FGF14: variants seen among roughly 807,000 people sequenced by gnomAD.
FGF14 encodes fibroblast growth factor homologous factor 4.
In FGF14, 5 loss-of-function variants were observed where a neutral mutation model predicts 25.5. That is an observed-to-expected ratio of 0.20 (90% CI 0.10 to 0.41). The LOEUF is 0.41. Ranked by LOEUF, FGF14 falls within the 10% of genes least tolerant of loss-of-function variation. The pLI, the probability that FGF14 is intolerant of heterozygous loss-of-function variation, is 1.00. For synonymous variants in FGF14, 138 were observed against 118.3 expected (o/e 1.17, Z -1.08); for missense variants, 222 against 320.1 (o/e 0.69, Z 2.34).
intron 1 of FGF14, among the ~76,000 whole-genome samples, chr13:101,957,930 G>C (rs1052973081): frequency 2.0e-5 from 3 of 152,054 alleles, no homozygotes; most frequent in Non-Finnish European, 4.4e-5. Flanking sequence ...TGGAATGAAA[G>C]GGCCAAATGG....
intron 1 of FGF14, among the ~76,000 whole-genome samples, chr13:102,335,598 A>C (rs1382023627): frequency 6.6e-6 from 1 of 152,178 alleles, no homozygotes; most frequent in Non-Finnish European, 1.5e-5. Context: ...TTTTACCCTG[A>C]AGAACCCACA....
intron 3 of FGF14, among the ~76,000 whole-genome samples, chr13:101,748,637 A>C (rs2037054296): frequency 6.6e-6 from 1 of 151,838 alleles, no homozygotes; most frequent in Non-Finnish European, 1.5e-5. Context: ...CAAATTAAAA[A>C]ACAAAAAATA....
chr13:101,935,489 G>A (rs918671184), intron 1 of FGF14, among the ~76,000 whole-genome samples: 4 of 152,130 alleles, frequency 2.6e-5, no homozygotes, highest in African/African-American at 9.7e-5. Flanking sequence ...TCATGAGAGC[G>A]GTTTCTCCCA....
chr13:102,378,310 G>GA (rs1276842592), intron 1 of FGF14, among the ~76,000 whole-genome samples: 1 of 151,962 alleles, frequency 6.6e-6, no homozygotes, highest in Non-Finnish European at 1.5e-5. Context: ...AAGGGTATAA[G>GA]GGAAATCTCT....
In FGF14 at chr13:101,714,465, G is replaced by C. The variant is rs755093754; in HGVS notation, c.*8366C>G. The C allele has an allele frequency of 6.2e-7, 1 of 1,611,052 alleles. No individual in the cohort carries two copies. Among genetic ancestry groups the C allele is most frequent in the South Asian group, 1.1e-5 (1 of 90,966 alleles). ...TCTTGTCATTGTGGGAAGTGCATTT[G>C]TTCTGCTGAAGAGTGGTATATTTCT... On this transcript the variant is annotated 3_prime_UTR_variant, in exon 5 of 5. Transcript: ENST00000376143.
intron 1 of FGF14, among the ~76,000 whole-genome samples, chr13:102,265,707 G>A (rs1295520973): frequency 1.3e-5 from 2 of 152,074 alleles, no homozygotes; most frequent in African/African-American, 2.4e-5. Context: ...ATCACAGCTG[G>A]TAAGTGAAGA....
rs1199722822 is a variant in FGF14 at position 101,994,561 on chromosome 13, G to A, written c.209-119265C>T. ...GCCGTTGTAAGTTGGTTTTGTCATCGAGACTACCAAATCATCAGCTACCAG... is the reference window on the plus strand; with the variant it reads ...GCCGTTGTAAGTTGGTTTTGTCATCAAGACTACCAAATCATCAGCTACCAG... On this transcript the variant is annotated intron_variant, in intron 1 of 4. Transcript: ENST00000376131. 2.6e-5 allele frequency among the ~76,000 whole-genome samples: 4 copies of A among 151,806 alleles called. No homozygotes were observed. In the East Asian group the frequency reaches 5.8e-4, roughly 22 times the overall value.
At chr13:102,088,033 AG>A (rs1351510509) in intron 1 of FGF14, among the ~76,000 whole-genome samples, 8 of 152,230 alleles carry the variant, frequency 5.3e-5, no homozygotes, top group African/African-American at 1.9e-4. Flanking sequence ...ACTTTGCATC[AG>A]TTCTGTCATT....
At chr13:102,104,885 A>G (rs1225050273) in intron 1 of FGF14, among the ~76,000 whole-genome samples, 2 of 152,188 alleles carry the variant, frequency 1.3e-5, no homozygotes, top group Admixed American at 1.3e-4. Context: ...TGAAATCACC[A>G]TCCTTGCAGT....
intron 1 of FGF14, among the ~76,000 whole-genome samples, chr13:102,083,693 C>T (rs1380800632): frequency 6.6e-6 from 1 of 152,202 alleles, no homozygotes; most frequent in Non-Finnish European, 1.5e-5. Flanking sequence ...ATGATTTTAC[C>T]TGCATTTGCA....
intron 1 of FGF14, among the ~76,000 whole-genome samples, chr13:102,234,742 G>A (rs1252802854): frequency 6.6e-6 from 1 of 152,098 alleles, no homozygotes; most frequent in Non-Finnish European, 1.5e-5. Context: ...CACATTGAAT[G>A]CATATTAGTC....
intron 1 of FGF14, among the ~76,000 whole-genome samples, chr13:102,252,296 A>C (rs958551514): frequency 6.6e-6 from 1 of 152,176 alleles, no homozygotes; most frequent in Non-Finnish European, 1.5e-5. Flanking sequence ...CATGGGGCAA[A>C]AGCAGTATTC....
At chr13:102,378,606 T>TCTAA (rs2058097119) in intron 1 of FGF14, among the ~76,000 whole-genome samples, 1 of 130,256 alleles carries the variant, frequency 7.7e-6, no homozygotes. Flanking sequence ...TATCTATCTA[T>TCTAA]CTATCTATCT....
At chr13:101,890,088 C>CAAAA (rs2046193320) in intron 1 of FGF14, among the ~76,000 whole-genome samples, 1 of 151,958 alleles carries the variant, frequency 6.6e-6, no homozygotes, top group Admixed American at 6.6e-5. Flanking sequence ...AATACAAAAG[C>CAAAA]AAAAACAAAA....
intron 1 of FGF14, among the ~76,000 whole-genome samples, chr13:102,056,919 T>C (rs1469872644): frequency 7.9e-5 from 12 of 151,284 alleles, no homozygotes; most frequent in Admixed American, 7.9e-4. Flanking sequence ...AAAGTAATGA[T>C]TTAGTATATT....
intron 1 of FGF14, among the ~76,000 whole-genome samples, chr13:102,011,814 A>G (rs544600149): frequency 5.9e-5 from 9 of 152,262 alleles, no homozygotes; most frequent in African/African-American, 2.2e-4. Context: ...ATGATTCTAT[A>G]AATACTGATC....
chr13:101,899,213 A>AT (rs1280781321), intron 1 of FGF14, among the ~76,000 whole-genome samples: 2 of 151,996 alleles, frequency 1.3e-5, no homozygotes, highest in African/African-American at 4.8e-5. Context: ...AAAGAAAAAA[A>AT]ATCCTCCTCA....
intron 1 of FGF14, among the ~76,000 whole-genome samples, chr13:102,139,652 A>G (rs952496146): frequency 6.6e-6 from 1 of 152,140 alleles, no homozygotes; most frequent in South Asian, 2.1e-4. Context: ...AGAGGGACTT[A>G]GAATAGGCTC....
At chr13:101,833,183 C>T (rs2042763277) in intron 3 of FGF14, among the ~76,000 whole-genome samples, 1 of 151,970 alleles carries the variant, frequency 6.6e-6, no homozygotes, top group South Asian at 2.1e-4. Context: ...CCTTTCTAAA[C>T]AGGTATGGCA....
Sources: allele counts gnomAD v4.1 joint callset (sites outside exome capture counted in the v4.1 genomes callset), GRCh38; gene constraint gnomAD v4.1.1; transcripts MANE v1.5; gene names NCBI Gene and HGNC (gene_info 2026-07-23, HGNC 2026-07-21).